The following CLEC2A variants were observed in gnomAD, a reference collection of about 807,000 sequenced individuals.
The protein encoded by CLEC2A is C-type lectin domain family 2 member A.
In CLEC2A, 19 loss-of-function variants were observed where a neutral mutation model predicts 18.6. The ratio of observed to expected loss-of-function variants is 1.02; its 90% CI spans 0.71 to 1.50. CLEC2A has a LOEUF of 1.50. Ranked by LOEUF, CLEC2A falls within the 40% of genes most tolerant of loss-of-function variation. The pLI is 0.00. For synonymous variants in CLEC2A, 74 were observed against 64.0 expected, an observed-to-expected ratio of 1.16 and a Z score of -0.75; for missense variants, 190 against 207.9, an observed-to-expected ratio of 0.91 and a Z score of 0.53.
At chr12:9,923,467 T>A (rs1468816574) in intron 2 of CLEC2A, among the ~76,000 whole-genome samples, 1 of 152,026 alleles carries the variant, frequency 6.6e-6, no homozygotes, top group African/African-American at 2.4e-5. Flanking sequence ...GGAATACTTT[T>A]ACACTGTTGG....
intron 1 of CLEC2A, among the ~76,000 whole-genome samples, chr12:9,927,774 T>A (rs1277518846): frequency 6.6e-6 from 1 of 152,056 alleles, no homozygotes; most frequent in Non-Finnish European, 1.5e-5. Context: ...GGAAGAAGAG[T>A]TTGGTAATTT....
At chr12:9,892,614 C>T in the CLEC2A span, among the ~76,000 whole-genome samples, 6 of 103,490 alleles carry the variant, frequency 5.8e-5, no homozygotes, top group East Asian at 2.7e-4. Context: ...GACAGAGTTT[C>T]GCTCTTGTTG....
chr12:9,898,366 T>C (rs1591781880), downstream of CLEC2A, among the ~76,000 whole-genome samples: 1 of 152,214 alleles, frequency 6.6e-6, no homozygotes, highest in Non-Finnish European at 1.5e-5. Context: ...CATCCAATCA[T>C]ATGCCAGACC....
chr12:9,910,016 C>T (rs538427), downstream of CLEC2A, among the ~76,000 whole-genome samples: 2 of 152,034 alleles, frequency 1.3e-5, no homozygotes, highest in South Asian at 2.1e-4. Flanking sequence ...GAGGACAGGT[C>T]CTTGCCTCCA....
intron 3 of CLEC2A, 72 bp downstream of exon 3, chr12:9,921,994 A>T: frequency 1.7e-6 from 2 of 1,199,592 alleles, no homozygotes; most frequent in Non-Finnish European, 2.3e-6. Context: ...TTATAGTATT[A>T]GCTATTATTG....
chr12:9,922,522 G>A (rs1385830931), intron 2 of CLEC2A, among the ~76,000 whole-genome samples: 2 of 152,122 alleles, frequency 1.3e-5, no homozygotes, highest in Admixed American at 6.5e-5. Flanking sequence ...ATAAAATGTA[G>A]CTATAAATTC....
intron 4 of CLEC2A, among the ~76,000 whole-genome samples, chr12:9,901,297 T>C (rs912046211): frequency 6.6e-6 from 1 of 152,220 alleles, no homozygotes; most frequent in Non-Finnish European, 1.5e-5. Context: ...CTATAGCTTA[T>C]TATAAACCAT....
the CLEC2A span, among the ~76,000 whole-genome samples, chr12:9,882,713 G>A: frequency 2.6e-5 from 4 of 152,080 alleles, no homozygotes; most frequent in Non-Finnish European, 5.9e-5. Context: ...CCCGGGAGAC[G>A]GAGGTTGCAG....
downstream of CLEC2A, among the ~76,000 whole-genome samples, chr12:9,896,758 G>C (rs191394527): frequency 1.3e-5 from 2 of 152,066 alleles, no homozygotes; most frequent in Admixed American, 1.3e-4. Context: ...CCACAGCTAA[G>C]GTACTAAATG....
the CLEC2A span, among the ~76,000 whole-genome samples, chr12:9,887,021 A>G: frequency 6.6e-6 from 1 of 152,184 alleles, no homozygotes; most frequent in Non-Finnish European, 1.5e-5. Flanking sequence ...CAGAAAAAAA[A>G]CATAAATAAA....
At chr12:9,930,561 A>G (rs1187322929) in intron 1 of CLEC2A, among the ~76,000 whole-genome samples, 4 of 151,642 alleles carry the variant, frequency 2.6e-5, no homozygotes, top group East Asian at 1.9e-4. Flanking sequence ...AACGTCTCCT[A>G]TTATCTCATT....
In CLEC2A at chr12:9,905,389, G is replaced by A. The variant is rs541775925; in HGVS notation, c.411-6413C>T. 2.6e-5 allele frequency among the ~76,000 whole-genome samples: 4 copies of A among 152,348 alleles called. No homozygotes were observed. The South Asian group carries it at 8.3e-4, about 32-fold the overall frequency. Reference sequence around the variant, plus strand: ...GCAGGGAACACCAAGGGTGGCGTCTGTGCTAATAGGCCTTTAGTTCAGAGA... The same window carrying A: ...GCAGGGAACACCAAGGGTGGCGTCTATGCTAATAGGCCTTTAGTTCAGAGA... On this transcript the variant is annotated intron_variant, in intron 4 of 4. Coordinates refer to the CLEC2A transcript ENST00000339766.
intron 2 of CLEC2A, among the ~76,000 whole-genome samples, chr12:9,922,691 C>T (rs192603977): frequency 4.5e-4 from 68 of 152,242 alleles, no homozygotes; most frequent in Non-Finnish European, 2.4e-4. Context: ...ATTAGTGAAA[C>T]CTTTGTTTCA....
chr12:9,906,026 T>TTTTTG (rs891669806), intron 4 of CLEC2A, among the ~76,000 whole-genome samples: 4 of 77,864 alleles, frequency 5.1e-5, no homozygotes, highest in African/African-American at 2.1e-4. Context: ...ATTAGTTTTG[T>TTTTTG]TTTTTTTTTT....
chr12:9,897,250 A>G (rs1157606935), downstream of CLEC2A, among the ~76,000 whole-genome samples: 2 of 152,090 alleles, frequency 1.3e-5, no homozygotes, highest in Non-Finnish European at 2.9e-5. Context: ...ACCTTGCGTA[A>G]ATGAAACTTT....
At chr12:9,905,530 A>G (rs956172405) in intron 4 of CLEC2A, among the ~76,000 whole-genome samples, 7 of 152,214 alleles carry the variant, frequency 4.6e-5, no homozygotes, top group African/African-American at 1.4e-4. Flanking sequence ...AGTATTTCAT[A>G]AGGAGATAAG....
intron 4 of CLEC2A, among the ~76,000 whole-genome samples, chr12:9,900,137 C>A (rs1439584176): frequency 6.6e-6 from 1 of 152,156 alleles, no homozygotes; most frequent in African/African-American, 2.4e-5. Flanking sequence ...TCTTACTTTC[C>A]CACAAAAGAA....
At chr12:9,898,101 T>C (rs188310463), downstream of CLEC2A, among the ~76,000 whole-genome samples, 235 of 152,372 alleles carry the variant, frequency 1.5e-3, no homozygotes, top group Middle Eastern at 3.4e-3. Context: ...GATGCCATAG[T>C]TCATTCCCTT....
At position 9,913,457 on chromosome 12, in the gene CLEC2A, CA is replaced by C; in HGVS notation, c.*108del. Reference sequence around the variant, plus strand: ...ATCTATAAACTAGAAAATGGGCCCTCACCAGAGGTTCCGTATTCTGTAACAG... The same window carrying C: ...ATCTATAAACTAGAAAATGGGCCCTCCCAGAGGTTCCGTATTCTGTAACAG... On this transcript the variant is annotated 3_prime_UTR_variant, in exon 5 of 5. Coordinates refer to ENST00000455827, the MANE Select transcript of CLEC2A (RefSeq NM_001130711.2). 1.4e-6 allele frequency: 2 copies of C among 1,435,386 alleles called. No individual in the cohort carries two copies. The highest frequency in any genetic ancestry group is 1.8e-6 in the Non-Finnish European group (2 of 1,102,896). The allele number at this position is 1,435,386 out of a possible 1,614,324, so 88.9% of individuals were successfully genotyped here.
Sources: gnomAD v4.1 joint callset for allele counts (sites outside exome capture counted in the v4.1 genomes callset) on GRCh38, gnomAD v4.1.1 for gene constraint, MANE v1.5 for transcripts, NCBI Gene and HGNC (gene_info 2026-07-23, HGNC 2026-07-21) for gene names.